BLM: variants seen among roughly 807,000 people sequenced by gnomAD.
BLM encodes recQ-like DNA helicase BLM.
In BLM, 95 loss-of-function variants were observed where a neutral mutation model predicts 135.3. The ratio of observed to expected loss-of-function variants is 0.70; its 90% CI spans 0.59 to 0.83. BLM has a LOEUF of 0.83. BLM is among the 40% of genes least tolerant of loss of function. BLM has a pLI of 0.00. For synonymous variants in BLM, 520 were observed against 589.2 expected (o/e 0.88, Z 1.70); for missense variants, 1,518 against 1,663.9 (o/e 0.91, Z 1.53).
Position 90,811,253 on chromosome 15 carries a change from G to A in BLM, c.3923G>A (p.Gly1308Glu), listed in dbSNP as rs750865930. The change falls in exon 21 of 22, where the codon GGA (glycine) becomes GAA (glutamate). Residue 1308 changes from glycine to glutamate, a missense_variant. Coordinates refer to ENST00000355112, the MANE Select transcript of BLM (RefSeq NM_000057.4). ...GISLSSSRGP[G>E]RSAAEELDEE... Reference sequence around the variant, plus strand: ...AGCCTGTCCAGCAGCAGAGGCCCCGGAAGAAGTGCCGCTGAGGAGCTCGAC... The same window carrying A: ...AGCCTGTCCAGCAGCAGAGGCCCCGAAAGAAGTGCCGCTGAGGAGCTCGAC... 3.7e-6 allele frequency: 6 copies of A among 1,613,996 alleles called. No individual in the cohort carries two copies. Among genetic ancestry groups the A allele is most frequent in the Non-Finnish European group, 5.1e-6 (6 of 1,180,046 alleles).
At position 90,760,690 on chromosome 15, in the gene BLM, G is replaced by T. The variant is rs1450277471; in HGVS notation, c.1317G>T (p.Met439Ile). The change falls in exon 7 of 22, where the codon ATG (methionine) becomes ATT (isoleucine). Residue 439 changes from methionine (M) to isoleucine (I), a missense_variant. This residue lies in a region of BLM where 724 missense variants were observed against 756.9 expected (regional missense o/e 0.96). Coordinates refer to ENST00000355112, the MANE Select transcript of BLM (RefSeq NM_000057.4). ...RYRPDSLDGP[M>I]EGDSCPTGNS... The stretch of plus-strand genomic sequence containing the variant: ...GGCCTGATTCACTTGATGGCCCTAT[G>T]GAGGGTGATTCCTGCCCTACAGGGA... 1 of 1,614,054 alleles carries T rather than the reference G, an allele frequency of 6.2e-7. No homozygotes were observed.
intron 16 of BLM, among the ~76,000 whole-genome samples, chr15:90,796,540 C>T (rs571340458): frequency 1.3e-5 from 2 of 152,258 alleles, no homozygotes; most frequent in East Asian, 3.9e-4. Context: ...TGGCTGTGTT[C>T]CAATAAAACT....
At chr15:90,769,673 A>ACGCCACCACCC in intron 12 of BLM, 87 bp downstream of exon 12, 1 of 1,385,700 alleles carries the variant, frequency 7.2e-7, no homozygotes, top group South Asian at 1.2e-5. Flanking sequence ...TGGCGCTTTA[A>ACGCCACCACCC]CGCCACCACC....
chr15:90,737,202 G>A (rs1206059496), intron 1 of BLM, among the ~76,000 whole-genome samples: 1 of 151,524 alleles, frequency 6.6e-6, no homozygotes, highest in African/African-American at 2.4e-5. Flanking sequence ...AGTGACAGGA[G>A]TGTAGCAATT....
chr15:90,784,232 A>C (rs1056133208), intron 13 of BLM, among the ~76,000 whole-genome samples: 2 of 151,572 alleles, frequency 1.3e-5, no homozygotes, highest in Non-Finnish European at 2.9e-5. Context: ...TTTATTTCCT[A>C]ATTTCCCAGA....
intron 19 of BLM, among the ~76,000 whole-genome samples, chr15:90,806,286 G>A (rs1432379873): frequency 1.3e-5 from 2 of 152,108 alleles, no homozygotes; most frequent in African/African-American, 4.8e-5. Flanking sequence ...TGAGGTGGAC[G>A]GATTGCCTGA....
At chr15:90,790,014 TTTTTTTTTTG>T (rs1387476470) in intron 14 of BLM, among the ~76,000 whole-genome samples, 19 of 112,208 alleles carry the variant, frequency 1.7e-4, no homozygotes, top group East Asian at 5.0e-4. Context: ...TTTTTTTTTT[TTTTTTTTTTG>T]GTATAAGTAG....
intron 19 of BLM, among the ~76,000 whole-genome samples, chr15:90,804,928 C>T (rs1271781057): frequency 6.6e-6 from 1 of 152,132 alleles, no homozygotes; most frequent in Non-Finnish European, 1.5e-5. Context: ...CCTCCGCCTC[C>T]CAGGTTCAAG....
intron 1 of BLM, among the ~76,000 whole-genome samples, chr15:90,718,218 C>T (rs544128603): frequency 1.3e-5 from 2 of 152,298 alleles, no homozygotes; most frequent in Admixed American, 1.3e-4. Context: ...GAAATTGTCC[C>T]CATTTTAGAC....
Position 90,722,910 on chromosome 15 carries a change from G to A in BLM, c.-5+5470G>A, listed in dbSNP as rs190236101. ...TTCTGGAGTGCAGTGGCGCGATCTC[G>A]GCTCACTGCAACCTCTGCTTCCTGG... On this transcript the variant is annotated intron_variant, in intron 1 of 21. Coordinates refer to ENST00000355112, the MANE Select transcript of BLM (RefSeq NM_000057.4). Among the ~76,000 whole-genome samples the A allele has an allele frequency of 7.9e-5, 12 of 152,102 alleles. No individual in the cohort carries two copies. In the East Asian group the frequency reaches 9.7e-4, roughly 12 times the overall value.
chr15:90,740,114 A>G (rs1268394039), intron 1 of BLM, among the ~76,000 whole-genome samples: 1 of 152,152 alleles, frequency 6.6e-6, no homozygotes, highest in Non-Finnish European at 1.5e-5. Context: ...TTCACCCATT[A>G]AACTGTACAA....
Position 90,799,852 on chromosome 15 carries a change from G to C in BLM, c.3358+1515G>C, listed in dbSNP as rs1897123868. ...AAAATGTGGTTCAAAGGGGCAGTTA[G>C]AATGTGGGGCTTATATACCATCTTA... On this transcript the variant is annotated intron_variant, in intron 17 of 21. Transcript: ENST00000355112. Among the ~76,000 whole-genome samples the C allele has an allele frequency of 2.6e-5, 4 of 152,192 alleles. No homozygotes were observed. The South Asian group carries it at 8.3e-4, about 32-fold the overall frequency.
chr15:90,799,975 GT>G (rs1360064115), intron 17 of BLM, among the ~76,000 whole-genome samples: 1 of 152,158 alleles, frequency 6.6e-6, no homozygotes, highest in Non-Finnish European at 1.5e-5. Flanking sequence ...GAGATACAAA[GT>G]TTTTATGACA....
At chr15:90,784,889 C>A in intron 13 of BLM, 32 bp from the exon 14 acceptor site, 1 of 1,603,816 alleles carries the variant, frequency 6.2e-7, no homozygotes, top group Non-Finnish European at 8.5e-7. Context: ...GTTAAAAATT[C>A]TTGTTTCTCA....
intron 10 of BLM, among the ~76,000 whole-genome samples, chr15:90,768,475 A>AAT (rs1291718599): frequency 5.9e-5 from 9 of 152,214 alleles, no homozygotes; most frequent in Admixed American, 3.3e-4. Context: ...AGAGCTATAA[A>AAT]ATATATAATT....
chr15:90,792,094 CTTT>C (rs796474506), intron 15 of BLM, among the ~76,000 whole-genome samples: 1 of 134,512 alleles, frequency 7.4e-6, no homozygotes, highest in Non-Finnish European at 1.6e-5. Flanking sequence ...TTTTTTTTTT[CTTT>C]TTTTTTTTTT....
In BLM at chr15:90,747,629, A is replaced by G. The variant is rs1895539974; in HGVS notation, c.98+139A>G. On this transcript the variant is annotated intron_variant, in intron 2 of 21. Transcript: ENST00000355112. ...GATTCATTGATTTTCCCACTTTGCC[A>G]ATTAATGGTAGAGTATGTTTTAGCA... 5 of 682,584 alleles carry G rather than the reference A, an allele frequency of 7.3e-6. No individual in the cohort carries two copies. In the Admixed American group the frequency reaches 8.9e-5, roughly 12 times the overall value. The allele number at this position is 682,584 out of a possible 1,614,324, so 42.3% of individuals were successfully genotyped here. A position where few individuals can be genotyped will look rare whatever the true frequency, so the allele number is the denominator to read the frequency against.
intron 5 of BLM, among the ~76,000 whole-genome samples, chr15:90,756,661 C>G (rs989749339): frequency 6.6e-6 from 1 of 152,218 alleles, no homozygotes; most frequent in Non-Finnish European, 1.5e-5. Context: ...TCCCTCTTGG[C>G]TTACAACAGT....
At chr15:90,775,443 T>C (rs1896447988) in intron 12 of BLM, among the ~76,000 whole-genome samples, 1 of 149,500 alleles carries the variant, frequency 6.7e-6, no homozygotes, top group South Asian at 2.1e-4. Context: ...TATACATATA[T>C]GTTTTAAATA....
Sources: allele counts gnomAD v4.1 joint callset (sites outside exome capture counted in the v4.1 genomes callset), GRCh38; gene constraint gnomAD v4.1.1; regional missense constraint gnomAD v4.1.1; transcripts MANE v1.5; gene names NCBI Gene and HGNC (gene_info 2026-07-23, HGNC 2026-07-21).